TMEFF1: variants seen among roughly 807,000 people sequenced by gnomAD.
TMEFF1 encodes the protein transmembrane protein with EGF like and two follistatin like domains 1.
Under a neutral mutation model 47.5 loss-of-function variants are expected in TMEFF1, and 20 were observed. The ratio of observed to expected loss-of-function variants is 0.42; its 90% CI spans 0.30 to 0.61. The LOEUF is 0.61. TMEFF1 is among the 20% of genes least tolerant of loss of function. TMEFF1 has a pLI of 0.19. For missense variants in TMEFF1, 411 were observed against 471.1 expected (o/e 0.87, Z 1.18); for synonymous variants, 162 against 166.3 (o/e 0.97, Z 0.20).
rs1453716972 is a variant in TMEFF1 at position 100,566,198 on chromosome 9, A to AC, written c.899+4681dup. Reference sequence around the variant, plus strand: ...CCTTGACCTCTCAATGTAGTAGTGTACCCGGGTTCAGTCCCAGTCCTCTTC... The same window carrying AC: ...CCTTGACCTCTCAATGTAGTAGTGTACCCCGGGTTCAGTCCCAGTCCTCTTC... On this transcript the variant is annotated intron_variant, in intron 8 of 9. Transcript: ENST00000374879. Among the ~76,000 whole-genome samples the AC allele has an allele frequency of 3.9e-5, 6 of 152,212 alleles. No individual in the cohort carries two copies. The East Asian group carries it at 1.2e-3, about 29-fold the overall frequency.
chr9:100,484,001 AC>A (rs1837398794), intron 1 of TMEFF1, among the ~76,000 whole-genome samples: 1 of 152,122 alleles, frequency 6.6e-6, no homozygotes, highest in Non-Finnish European at 1.5e-5. Flanking sequence ...TATACATTGA[AC>A]ATTATTTTGT....
chr9:100,490,778 T>A lies in TMEFF1; in HGVS notation c.197-7987T>A, dbSNP rs181221450. Among the ~76,000 whole-genome samples the A allele has an allele frequency of 4.6e-3, 693 of 151,974 alleles. 10 individuals carry two copies. Among genetic ancestry groups the A allele is most frequent in the Non-Finnish European group, 3.5e-3 (237 of 67,972 alleles). Reference sequence around the variant, plus strand: ...GAGAAATCACTCATTGTTTAACTGCTGTAACAGGTTACTGTTACCGGTTTT... The same window carrying A: ...GAGAAATCACTCATTGTTTAACTGCAGTAACAGGTTACTGTTACCGGTTTT... On this transcript the variant is annotated intron_variant, in intron 1 of 9. Coordinates refer to ENST00000374879, the MANE Select transcript of TMEFF1 (RefSeq NM_003692.5).
chr9:100,571,277 G>A (rs1359169336), intron 8 of TMEFF1, among the ~76,000 whole-genome samples: 1 of 152,048 alleles, frequency 6.6e-6, no homozygotes, highest in East Asian at 1.9e-4. Context: ...ACTAAATATA[G>A]AAAAGCGCAT....
intron 4 of TMEFF1, among the ~76,000 whole-genome samples, chr9:100,513,746 G>C (rs1431200833): frequency 1.3e-5 from 2 of 152,048 alleles, no homozygotes; most frequent in Non-Finnish European, 2.9e-5. Flanking sequence ...GCTTGGACCA[G>C]AGTATTTGTA....
In TMEFF1 at chr9:100,528,242, A is replaced by C. The variant is rs1382768281; in HGVS notation, c.560+11471A>C. Among the ~76,000 whole-genome samples the C allele has an allele frequency of 5.3e-5, 8 of 151,432 alleles. No homozygotes were observed. In the East Asian group the frequency reaches 1.5e-3, roughly 29 times the overall value. On this transcript the variant is annotated intron_variant, in intron 5 of 9. Transcript: ENST00000374879. ...AGCAACGGAACAAAGCTGGATGGAG[A>C]ATGACTTTGACGAGCTGAGAGAAGA... is the stretch of plus-strand genomic sequence containing the variant.
At chr9:100,474,344 C>T (rs1037260659) in intron 1 of TMEFF1, among the ~76,000 whole-genome samples, 9 of 150,360 alleles carry the variant, frequency 6.0e-5, no homozygotes, top group Middle Eastern at 3.5e-3. Flanking sequence ...CGCGCGCGCG[C>T]GTGTGTGTTC....
rs12685819 is a variant in TMEFF1, at chr9:100,476,656, G to C, written c.196+2916G>C. Reference sequence around the variant, plus strand: ...GATCCGCCTGCCTCGGCCTCCCAAAGTGTTGAGATTACAGGTGTGAGCCAA... The same window carrying C: ...GATCCGCCTGCCTCGGCCTCCCAAACTGTTGAGATTACAGGTGTGAGCCAA... On this transcript the variant is annotated intron_variant, in intron 1 of 9. Transcript: ENST00000374879. Among the ~76,000 whole-genome samples the C allele has an allele frequency of 6.9e-3, 1,024 of 148,746 alleles. 33 individuals are homozygous for C. In the East Asian group the frequency reaches 0.12, roughly 17 times the overall value.
chr9:100,504,497 T>C (rs918948393), intron 2 of TMEFF1, among the ~76,000 whole-genome samples: 22 of 152,360 alleles, frequency 1.4e-4, no homozygotes, highest in African/African-American at 4.6e-4. Context: ...CTTCCACTTA[T>C]TAGTGACTAT....
At chr9:100,475,757 T>G (rs1057137981) in intron 1 of TMEFF1, among the ~76,000 whole-genome samples, 3 of 125,098 alleles carry the variant, frequency 2.4e-5, no homozygotes, top group African/African-American at 8.5e-5. Context: ...GTGTGTGTGT[T>G]CTTTGGGTTC....
chr9:100,495,232 C>T (rs1181787860), intron 1 of TMEFF1, among the ~76,000 whole-genome samples: 1 of 152,148 alleles, frequency 6.6e-6, no homozygotes, highest in East Asian at 1.9e-4. Flanking sequence ...TAGATAAAAA[C>T]GTTCTCTTTT....
At chr9:100,550,193 G>C (rs762613180) in intron 7 of TMEFF1, 33 bp downstream of exon 7, 3 of 1,600,050 alleles carry the variant, frequency 1.9e-6, no homozygotes, top group Non-Finnish European at 2.6e-6. Context: ...ATTTTGGCCA[G>C]CTATGGAAAT....
intron 2 of TMEFF1, among the ~76,000 whole-genome samples, chr9:100,501,101 T>C (rs1837749214): frequency 6.6e-6 from 1 of 152,208 alleles, no homozygotes. Flanking sequence ...GTCTGTTATC[T>C]GGTTCATTAA....
Position 100,561,377 on chromosome 9 carries a change from C to T in TMEFF1, c.776-20C>T, listed in dbSNP as rs748664486. 1 of 1,600,376 alleles carries T rather than the reference C, an allele frequency of 6.2e-7. No homozygotes were observed. The highest frequency in any genetic ancestry group is 8.5e-7 in the Non-Finnish European group (1 of 1,175,230). On this transcript the variant is annotated intron_variant, in intron 7 of 9. Transcript: ENST00000374879. ...AGCTTGCGTTTCATTGTTGAACGAT[C>T]TGGTTTATGTTCTTTTAAGATGCTA...
At chr9:100,571,024 A>C (rs775369136) in intron 8 of TMEFF1, among the ~76,000 whole-genome samples, 1 of 152,050 alleles carries the variant, frequency 6.6e-6, no homozygotes, top group African/African-American at 2.4e-5. Context: ...CTTTTTATCT[A>C]CTTTTAATTG....
chr9:100,559,624 G>A, intron 7 of TMEFF1, among the ~76,000 whole-genome samples: 1 of 150,922 alleles, frequency 6.6e-6, no homozygotes, highest in African/African-American at 2.4e-5. Flanking sequence ...TAATTTACTT[G>A]TTTCTATTTA....
At position 100,512,178 on chromosome 9, in the gene TMEFF1, C is replaced by G. The variant is rs538026920; in HGVS notation, c.437-1129C>G. On this transcript the variant is annotated intron_variant, in intron 3 of 9. Transcript: ENST00000374879. ...AAAAACAATTTTGAGTTTCCTCCCT[C>G]GCTGTCTTTTTTTCTGTTCCATCAC... Among the ~76,000 whole-genome samples, 3 of 152,240 alleles carry G rather than the reference C, an allele frequency of 2.0e-5. No individual in the cohort carries two copies. The East Asian group carries it at 5.8e-4, about 29-fold the overall frequency.
In TMEFF1 at chr9:100,566,337, C is replaced by A. The variant is rs114343885; in HGVS notation, c.899+4817C>A. Among the ~76,000 whole-genome samples the A allele has an allele frequency of 3.2e-3, 481 of 152,272 alleles. 2 individuals are homozygous for A. Among genetic ancestry groups the A allele is most frequent in the African/African-American group, 0.011 (461 of 41,546 alleles). On this transcript the variant is annotated intron_variant, in intron 8 of 9. Coordinates refer to ENST00000374879, the MANE Select transcript of TMEFF1 (RefSeq NM_003692.5). ...TTGAAACTCGTAGATCCATATGCCT[C>A]CTTTACATTTCCACATGGACGTCTG...
chr9:100,490,861 GTGTGTGTGTGTA>G (rs968732635), intron 1 of TMEFF1, among the ~76,000 whole-genome samples: 2 of 151,174 alleles, frequency 1.3e-5, no homozygotes, highest in Non-Finnish European at 2.9e-5. Context: ...GTGTGTGTGT[GTGTGTGTGTGTA>G]TGTGTGTATG....
chr9:100,551,159 T>A (rs1838821821), intron 7 of TMEFF1, among the ~76,000 whole-genome samples: 1 of 152,252 alleles, frequency 6.6e-6, no homozygotes, highest in Non-Finnish European at 1.5e-5. Context: ...ATGTGATCTA[T>A]CTTTTATACC....
Sources: gnomAD v4.1 joint callset for allele counts (sites outside exome capture counted in the v4.1 genomes callset) on GRCh38, gnomAD v4.1.1 for gene constraint, MANE v1.5 for transcripts, NCBI Gene and HGNC (gene_info 2026-07-23, HGNC 2026-07-21) for gene names.